Variants in IFT46 observed in about 807,000 individuals in gnomAD.
The protein encoded by IFT46 is intraflagellar transport 46.
A neutral mutation model predicts 39.6 loss-of-function variants in IFT46; 19 were observed. That is an observed-to-expected ratio of 0.48 (90% CI 0.33 to 0.70). The LOEUF (loss-of-function observed/expected upper bound fraction) is 0.70, where lower values mean the gene tolerates loss of function less well. Among genes scored for constraint, IFT46 ranks in the 30% least tolerant of loss-of-function variants. IFT46 has a pLI of 0.01. For synonymous variants in IFT46, 117 were observed against 134.8 expected (o/e 0.87, Z 0.91); for missense variants, 334 against 364.8 (o/e 0.92, Z 0.69).
chr11:118,576,448 AAC>A (rs1491164339), upstream of IFT46, among the ~76,000 whole-genome samples: 987 of 148,522 alleles, frequency 6.6e-3, 10 homozygotes, highest in African/African-American at 0.023. Flanking sequence ...AAAAAAAAAA[AAC>A]CAAAAACTTT....
chr11:118,574,141 G>T (rs1338961280), upstream of IFT46, among the ~76,000 whole-genome samples: 5 of 152,046 alleles, frequency 3.3e-5, no homozygotes, highest in African/African-American at 1.2e-4. Context: ...ACATGTGTAC[G>T]TATACATAGA....
At chr11:118,545,609 G>T in intron 10 of IFT46, 115 bp from the exon 11 acceptor site, 10 of 1,084,764 alleles carry the variant, frequency 9.2e-6, no homozygotes, top group Non-Finnish European at 1.4e-5. Flanking sequence ...GACTTTGGGG[G>T]TTAAATACCC....
chr11:118,548,451 G>C (rs1330319973), intron 9 of IFT46, among the ~76,000 whole-genome samples: 1 of 145,564 alleles, frequency 6.9e-6, no homozygotes, highest in Non-Finnish European at 1.5e-5. Flanking sequence ...TGCAACCTCC[G>C]CCTCCCGGGT....
intron 5 of IFT46, 50 bp from the exon 6 acceptor site, chr11:118,555,133 T>G (rs782529471): frequency 2.6e-6 from 4 of 1,551,302 alleles, no homozygotes; most frequent in Admixed American, 1.7e-5. Context: ...AAAGTTACTT[T>G]ACTATTCAGG....
intron 9 of IFT46, chr11:118,546,867 G>A (rs2135470890): frequency 6.6e-6 from 1 of 152,252 alleles, no homozygotes. Context: ...ATCTAACTCA[G>A]GTAACAGGCT....
intron 9 of IFT46, among the ~76,000 whole-genome samples, chr11:118,548,253 A>G (rs1951741351): frequency 6.6e-6 from 1 of 150,954 alleles, no homozygotes; most frequent in Non-Finnish European, 1.5e-5. Flanking sequence ...ACATACATAT[A>G]TAAAATATTT....
chr11:118,567,772 T>C (rs1938261415), upstream of IFT46, among the ~76,000 whole-genome samples: 1 of 152,240 alleles, frequency 6.6e-6, no homozygotes, highest in African/African-American at 2.4e-5. Context: ...GGATATGTAA[T>C]GTGCAGTACT....
chr11:118,562,990 G>A (rs562655149), intron 2 of IFT46, among the ~76,000 whole-genome samples: 4 of 151,986 alleles, frequency 2.6e-5, no homozygotes, highest in South Asian at 2.1e-4. Flanking sequence ...GCTTGAACCC[G>A]GGAGGCGTAG....
intron 9 of IFT46, chr11:118,546,405 T>C (rs1555067167): frequency 6.5e-6 from 3 of 460,922 alleles, no homozygotes; most frequent in Non-Finnish European, 8.0e-6. Context: ...GTGGGAGGAC[T>C]GCTTGAGTCC....
At chr11:118,557,737 C>T in intron 3 of IFT46, 6 of 1,613,986 alleles carry the variant, frequency 3.7e-6, no homozygotes, top group Non-Finnish European at 5.1e-6. Flanking sequence ...TTATAACCTA[C>T]CTTTCTGTGC....
intron 9 of IFT46, among the ~76,000 whole-genome samples, chr11:118,548,442 G>A (rs567105301): frequency 1.0e-3 from 149 of 144,078 alleles, no homozygotes; most frequent in Non-Finnish European, 1.7e-3. Context: ...TTGGCTCACT[G>A]CAACCTCCGC....
chr11:118,544,904 T>C lies in IFT46; in HGVS notation c.*12A>G. On this transcript the variant is annotated 3_prime_UTR_variant, in exon 12 of 12. Coordinates refer to ENST00000264021, the MANE Select transcript of IFT46 (RefSeq NM_001168618.2). ...GCCAGCTCAGCCTTGAAACAGCAGCTTGGGAAGTGTCTCAGCTGAAGGTTA... is the reference window on the plus strand; with the variant it reads ...GCCAGCTCAGCCTTGAAACAGCAGCCTGGGAAGTGTCTCAGCTGAAGGTTA... 1.3e-6 allele frequency: 2 copies of C among 1,596,940 alleles called. No homozygotes were observed. The highest frequency in any genetic ancestry group is 1.7e-6 in the Non-Finnish European group (2 of 1,165,030).
intron 2 of IFT46, chr11:118,560,538 G>A (rs2135504404): frequency 4.9e-6 from 1 of 204,528 alleles, no homozygotes; most frequent in South Asian, 8.6e-5. Context: ...AGTCAAATTA[G>A]GTTAATAACT....
At chr11:118,552,811 T>C (rs1427093989) in intron 7 of IFT46, among the ~76,000 whole-genome samples, 1 of 142,008 alleles carries the variant, frequency 7.0e-6, no homozygotes, top group Non-Finnish European at 1.5e-5. Context: ...AAAAGCCAAG[T>C]GCAGTGGCTC....
chr11:118,561,296 G>A (rs773135040), intron 2 of IFT46: 1 of 1,232,182 alleles, frequency 8.1e-7, no homozygotes, highest in Non-Finnish European at 1.2e-6. Flanking sequence ...GGGCCAGAAT[G>A]TTGCAGATTA....
upstream of IFT46, among the ~76,000 whole-genome samples, chr11:118,567,812 G>A (rs1039295173): frequency 5.9e-5 from 9 of 152,056 alleles, no homozygotes; most frequent in Admixed American, 5.9e-4. Context: ...GTTTTTTTGT[G>A]GGGAGCACTT....
At chr11:118,545,133 A>C (rs3741319) in intron 11 of IFT46, 122 bp from the exon 12 acceptor site, 126,827 of 793,508 alleles carry the variant, frequency 0.16, 13,850 homozygotes, top group East Asian at 0.46. Flanking sequence ...TTCATGAGGG[A>C]ACTTGGTTCT....
chr11:118,559,536 A>G lies in IFT46; in HGVS notation c.45+249T>C, dbSNP rs76492786. On this transcript the variant is annotated intron_variant, in intron 3 of 11. Coordinates refer to ENST00000264021, the MANE Select transcript of IFT46 (RefSeq NM_001168618.2). ...ACCTCAGTTGAGTATTATGATCAGGAAAGTTTGTGAAACACTGGCCTACAT... is the reference window on the plus strand; with the variant it reads ...ACCTCAGTTGAGTATTATGATCAGGGAAGTTTGTGAAACACTGGCCTACAT... Among the ~76,000 whole-genome samples the G allele has an allele frequency of 8.5e-3, 1,297 of 152,310 alleles. 16 individuals carry two copies. The highest frequency in any genetic ancestry group is 0.03 in the African/African-American group (1,227 of 41,552).
intron 4 of IFT46, among the ~76,000 whole-genome samples, 184 bp downstream of exon 4, chr11:118,556,722 G>A (rs546160943): frequency 5.3e-5 from 8 of 152,254 alleles, no homozygotes; most frequent in African/African-American, 1.4e-4. Context: ...GACTGGATAA[G>A]GTAGTGGAGT....
Sources: allele counts gnomAD v4.1 joint callset (sites outside exome capture counted in the v4.1 genomes callset), GRCh38; gene constraint gnomAD v4.1.1; transcripts MANE v1.5; gene names NCBI Gene and HGNC (gene_info 2026-07-23, HGNC 2026-07-21).